The following ZNF106 variants were observed in gnomAD, a reference collection of about 807,000 sequenced individuals.
ZNF106 encodes the protein SH3-domain binding protein 3.
A neutral mutation model predicts 195.1 loss-of-function variants in ZNF106; 67 were observed. The observed-to-expected ratio is 0.34, with a 90% confidence interval of 0.28 to 0.42. The LOEUF is 0.42. ZNF106 is among the 10% of genes least tolerant of loss of function. The probability of loss-of-function intolerance (pLI) is 1.00; values close to 1 mark genes in which losing one functional copy is unlikely to be tolerated. For missense variants in ZNF106, 2,118 were observed against 2,304.5 expected (o/e 0.92, Z 1.66); for synonymous variants, 784 against 818.6 (o/e 0.96, Z 0.72).
At chr15:42,487,119 C>T (rs1050260855) in intron 1 of ZNF106, among the ~76,000 whole-genome samples, 1 of 151,936 alleles carries the variant, frequency 6.6e-6, no homozygotes, top group Non-Finnish European at 1.5e-5. Context: ...CATCGCACTC[C>T]AGCCTGGGCA....
chr15:42,438,338 T>C (rs916194622), intron 12 of ZNF106, among the ~76,000 whole-genome samples: 14 of 152,058 alleles, frequency 9.2e-5, no homozygotes, highest in Admixed American at 2.6e-4. Flanking sequence ...TTGCAGTGAG[T>C]AGAGATAGCG....
chr15:42,423,897 G>C, intron 17 of ZNF106, 101 bp downstream of exon 17: 1 of 1,105,264 alleles, frequency 9.0e-7, no homozygotes, highest in Non-Finnish European at 1.3e-6. Context: ...CCCTTCGGTG[G>C]ATAAAGGGCT....
At chr15:42,441,058 C>G (rs1356835493) in intron 10 of ZNF106, among the ~76,000 whole-genome samples, 1 of 113,130 alleles carries the variant, frequency 8.8e-6, no homozygotes, top group African/African-American at 3.2e-5. Flanking sequence ...TGCTAAGTCA[C>G]GCGCAGTGGC....
chr15:42,461,095 T>G (rs1005676158), intron 3 of ZNF106, among the ~76,000 whole-genome samples: 1 of 152,194 alleles, frequency 6.6e-6, no homozygotes, highest in Non-Finnish European at 1.5e-5. Flanking sequence ...TCTTTCTCTA[T>G]GTAGCCACAT....
chr15:42,432,442 G>C, intron 14 of ZNF106, among the ~76,000 whole-genome samples: 1 of 152,122 alleles, frequency 6.6e-6, no homozygotes, highest in Non-Finnish European at 1.5e-5. Flanking sequence ...GGCATGAGCC[G>C]CAGTGCCCAG....
intron 14 of ZNF106, among the ~76,000 whole-genome samples, chr15:42,430,619 A>C (rs1037423058): frequency 6.6e-6 from 1 of 151,970 alleles, no homozygotes; most frequent in East Asian, 1.9e-4. Context: ...TCCTGGGCTC[A>C]AGCGATCCTC....
chr15:42,423,237 G>A (rs1186750386), intron 17 of ZNF106, among the ~76,000 whole-genome samples: 1 of 152,046 alleles, frequency 6.6e-6, no homozygotes, highest in Non-Finnish European at 1.5e-5. Context: ...AGGCATGGAG[G>A]CTCACGCCAT....
At chr15:42,433,371 C>G (rs1311721429) in intron 14 of ZNF106, among the ~76,000 whole-genome samples, 1 of 152,088 alleles carries the variant, frequency 6.6e-6, no homozygotes, top group African/African-American at 2.4e-5. Context: ...TCCCAAAGTG[C>G]TGGGATTACA....
In ZNF106 at chr15:42,439,765, A is replaced by C. The variant is rs1248220751; in HGVS notation, c.3812T>G (p.Leu1271Trp). The C allele has an allele frequency of 1.9e-6, 3 of 1,599,588 alleles. No individual in the cohort carries two copies. The highest frequency in any genetic ancestry group is 1.8e-5 in the Admixed American group (1 of 56,658). The change falls in exon 11 of 22, where the codon TTG (leucine) becomes TGG (tryptophan). Residue 1271 changes from leucine (L) to tryptophan (W), a missense_variant. Coordinates refer to ENST00000564754, the MANE Select transcript of ZNF106 (RefSeq NM_001366845.3). ...ACTTTCTGTTGACTCTGGTAAGGACAATCTAGCAGTGATGACTGGATAAAC... is the reference window on the plus strand; with the variant it reads ...ACTTTCTGTTGACTCTGGTAAGGACCATCTAGCAGTGATGACTGGATAAAC... ...CPVYPVITAR[L>W]SLPESTESFH...
chr15:42,428,070 C>T lies in ZNF106; in HGVS notation c.4946G>A (p.Arg1649Gln), dbSNP rs149732932. The T allele has an allele frequency of 9.5e-5, 153 of 1,614,104 alleles. No individual in the cohort carries two copies. Among genetic ancestry groups the T allele is most frequent in the Non-Finnish European group, 1.2e-4 (145 of 1,179,988 alleles). Residue 1649 changes from arginine (R) to glutamine (Q), a missense_variant, in exon 15 of 22, where the codon CGA becomes CAA. Coordinates refer to ENST00000564754, the MANE Select transcript of ZNF106 (RefSeq NM_001366845.3). ...DRVLCLHSRWRILYAGLANGT... is the reference protein window; with the variant it reads ...DRVLCLHSRWQILYAGLANGT... ...ATTTGCCAGTCCCGCATAGAGGATT[C>T]GCCATCTACTGTGGAGGCAGAGGAC... is the stretch of plus-strand genomic sequence containing the variant.
intron 6 of ZNF106, among the ~76,000 whole-genome samples, chr15:42,447,146 C>A (rs2055804509): frequency 6.6e-6 from 1 of 152,190 alleles, no homozygotes; most frequent in Admixed American, 6.5e-5. Flanking sequence ...TAGCATCTAG[C>A]TCAAAGGAGC....
chr15:42,487,208 C>T (rs2057036891), intron 1 of ZNF106, among the ~76,000 whole-genome samples: 1 of 151,260 alleles, frequency 6.6e-6, no homozygotes, highest in Non-Finnish European at 1.5e-5. Context: ...GGCCTGGATG[C>T]AGTGGCAGCA....
In ZNF106 at chr15:42,471,541, T is replaced by C. The variant is rs1442412724; in HGVS notation, c.54+695A>G. Reference sequence around the variant, plus strand: ...TGGTCAGGAGTTCAAGACCAGCCTGTGCAACATGGTGAAACCCTGTCTCTA... The same window carrying C: ...TGGTCAGGAGTTCAAGACCAGCCTGCGCAACATGGTGAAACCCTGTCTCTA... On this transcript the variant is annotated intron_variant, in intron 2 of 21. Transcript: ENST00000564754. Among the ~76,000 whole-genome samples, 4 of 152,036 alleles carry C rather than the reference T, an allele frequency of 2.6e-5. No homozygotes were observed. The East Asian group carries it at 5.8e-4, about 22-fold the overall frequency.
At position 42,439,377 on chromosome 15, in the gene ZNF106, C is replaced by T; in HGVS notation, c.4200G>A (p.Leu1400=). 1 of 1,614,090 alleles carries T rather than the reference C, an allele frequency of 6.2e-7. No homozygotes were observed. The highest frequency in any genetic ancestry group is 8.5e-7 in the Non-Finnish European group (1 of 1,180,044). Residue 1400 remains leucine (L), a synonymous_variant, in exon 11 of 22, where the codon TTG becomes TTA. Coordinates refer to ENST00000564754, the MANE Select transcript of ZNF106 (RefSeq NM_001366845.3). Reference sequence around the variant, plus strand: ...TTACTTTCCTTACAGGTTTAACAGTCAAAACATCCTGTTCAGTGTCACTAT... The same window carrying T: ...TTACTTTCCTTACAGGTTTAACAGTTAAAACATCCTGTTCAGTGTCACTAT... The part of the protein sequence containing the change: ...PENSDTEQDV[L]TVKPVRKVKA...
At chr15:42,481,163 A>C (rs1490001428) in intron 1 of ZNF106, among the ~76,000 whole-genome samples, 7 of 152,232 alleles carry the variant, frequency 4.6e-5, no homozygotes, top group African/African-American at 1.7e-4. Flanking sequence ...AATGAAAAAG[A>C]AAGTTTTAAA....
chr15:42,484,533 A>C (rs2056967723), intron 1 of ZNF106, among the ~76,000 whole-genome samples: 1 of 151,952 alleles, frequency 6.6e-6, no homozygotes, highest in Admixed American at 6.6e-5. Flanking sequence ...AGGCTGAGGC[A>C]GTTCAAGACC....
At chr15:42,483,261 G>A (rs1005327799) in intron 1 of ZNF106, among the ~76,000 whole-genome samples, 1 of 152,158 alleles carries the variant, frequency 6.6e-6, no homozygotes, top group Admixed American at 6.5e-5. Flanking sequence ...CATTGGCCAG[G>A]AGGAGCTTAC....
intron 20 of ZNF106, among the ~76,000 whole-genome samples, chr15:42,419,661 A>C (rs1399625439): frequency 1.3e-5 from 2 of 152,142 alleles, no homozygotes; most frequent in Non-Finnish European, 2.9e-5. Context: ...ATTTCTTAAA[A>C]GTAATGCAGG....
intron 15 of ZNF106, 77 bp from the exon 16 acceptor site, chr15:42,425,102 C>T: frequency 7.1e-7 from 1 of 1,418,070 alleles, no homozygotes; most frequent in Non-Finnish European, 9.8e-7. Flanking sequence ...TACCTTGGTA[C>T]AAACTCATTT....
Sources: allele counts gnomAD v4.1 joint callset (sites outside exome capture counted in the v4.1 genomes callset), GRCh38; gene constraint gnomAD v4.1.1; transcripts MANE v1.5; gene names NCBI Gene and HGNC (gene_info 2026-07-23, HGNC 2026-07-21).